The following MAST4 variants were observed in gnomAD, a reference collection of about 807,000 sequenced individuals.
MAST4 encodes microtubule associated serine/threonine kinase family member 4.
In MAST4, 89 loss-of-function variants were observed where a neutral mutation model predicts 162.7. The observed-to-expected ratio is 0.55, with a 90% confidence interval of 0.46 to 0.65. MAST4 has a LOEUF of 0.65. Among genes scored for constraint, MAST4 ranks in the 30% least tolerant of loss-of-function variants. The pLI is 0.00. For missense variants in MAST4, 3,153 were observed against 3,374.0 expected (o/e 0.93, Z 1.62); for synonymous variants, 1,479 against 1,361.1 (o/e 1.09, Z -1.91).
intron 3 of MAST4, among the ~76,000 whole-genome samples, chr5:66,872,360 G>A (rs25841): frequency 0.28 from 42,820 of 151,776 alleles, 6,261 homozygotes; most frequent in East Asian, 0.53. Context: ...AGTAGAGATG[G>A]GGTTTCACCA....
intron 3 of MAST4, among the ~76,000 whole-genome samples, chr5:66,850,960 A>G (rs930667587): frequency 4.0e-5 from 6 of 148,246 alleles, no homozygotes; most frequent in Admixed American, 2.7e-4. Flanking sequence ...AAAAAAATGC[A>G]TACATTTGAG....
At chr5:66,863,710 C>T (rs955702102) in intron 3 of MAST4, among the ~76,000 whole-genome samples, 6 of 152,104 alleles carry the variant, frequency 3.9e-5, no homozygotes, top group Non-Finnish European at 8.8e-5. Flanking sequence ...AGACAGGAGA[C>T]AAGAAGGAGG....
chr5:67,068,852 A>T (rs1278668883), intron 5 of MAST4, among the ~76,000 whole-genome samples: 3 of 152,182 alleles, frequency 2.0e-5, no homozygotes, highest in Non-Finnish European at 4.4e-5. Flanking sequence ...TAGTAAGCTA[A>T]CAGGTCTCAT....
At chr5:66,909,582 G>A (rs868666956) in intron 4 of MAST4, among the ~76,000 whole-genome samples, 1 of 152,206 alleles carries the variant, frequency 6.6e-6, no homozygotes, top group Non-Finnish European at 1.5e-5. Context: ...TGCTCAGGGA[G>A]TATATATGTT....
chr5:66,814,810 T>C (rs1400912733), intron 3 of MAST4, among the ~76,000 whole-genome samples: 2 of 151,680 alleles, frequency 1.3e-5, no homozygotes, highest in African/African-American at 4.8e-5. Context: ...CTAATAGACT[T>C]GTTGAAATTA....
At chr5:66,993,953 TA>T (rs2150290071) in intron 4 of MAST4, among the ~76,000 whole-genome samples, 1 of 97,414 alleles carries the variant, frequency 1.0e-5, no homozygotes, top group Non-Finnish European at 1.9e-5. Context: ...TCTGCATTTC[TA>T]ACAAGCACTC....
chr5:67,131,757 AT>A, intron 15 of MAST4, 55 bp from the exon 16 acceptor site: 1 of 1,581,560 alleles, frequency 6.3e-7, no homozygotes, highest in Non-Finnish European at 8.6e-7. Context: ...GTCTAAACTG[AT>A]TTTCTACATT....
intron 3 of MAST4, among the ~76,000 whole-genome samples, chr5:66,866,270 G>T (rs539017505): frequency 6.6e-6 from 1 of 152,186 alleles, no homozygotes; most frequent in East Asian, 1.9e-4. Flanking sequence ...TGAAAAGTCT[G>T]CGTTTAACTG....
chr5:67,138,686 G>A (rs956351102), intron 19 of MAST4, among the ~76,000 whole-genome samples: 3 of 152,062 alleles, frequency 2.0e-5, no homozygotes, highest in Admixed American at 6.6e-5. Context: ...CACCCACCTC[G>A]GCCTCCCAAA....
rs150721795 is a variant in MAST4, at chr5:66,950,318, G to A, written c.674+50336G>A. On this transcript the variant is annotated intron_variant, in intron 4 of 28. Coordinates refer to ENST00000403625, the MANE Select transcript of MAST4 (RefSeq NM_001164664.2). ...GCCATTTTTAAGCATTCAATTCTGCGCCATTAAGTACATTCACAGAGTTGT... is the reference window on the plus strand; with the variant it reads ...GCCATTTTTAAGCATTCAATTCTGCACCATTAAGTACATTCACAGAGTTGT... Among the ~76,000 whole-genome samples, 596 of 150,524 alleles carry A rather than the reference G, an allele frequency of 4.0e-3. 5 individuals carry two copies. The highest frequency in any genetic ancestry group is 0.014 in the African/African-American group (557 of 40,944).
chr5:66,798,559 C>A (rs1311517006), intron 3 of MAST4, among the ~76,000 whole-genome samples: 1 of 152,130 alleles, frequency 6.6e-6, no homozygotes, highest in Non-Finnish European at 1.5e-5. Context: ...AACTTGAATT[C>A]TTCTCTGGAT....
chr5:67,156,324 C>G (rs534354032), intron 26 of MAST4, among the ~76,000 whole-genome samples: 8 of 152,270 alleles, frequency 5.3e-5, no homozygotes, highest in African/African-American at 1.9e-4. Context: ...AGCTCCGGAG[C>G]CTGCACTTTT....
At chr5:66,697,550 A>AGGGCAAATTTTCTTC (rs1174738895) in intron 1 of MAST4, among the ~76,000 whole-genome samples, 1 of 152,204 alleles carries the variant, frequency 6.6e-6, no homozygotes, top group African/African-American at 2.4e-5. Flanking sequence ...TGTCTGTGCA[A>AGGGCAAATTTTCTTC]GGGCAAATTT....
intron 21 of MAST4, 125 bp downstream of exon 21, chr5:67,142,658 TC>T (rs1304974705): frequency 1.5e-6 from 1 of 657,230 alleles, no homozygotes; most frequent in East Asian, 2.7e-5. Context: ...TGCTTAAACT[TC>T]CTTTTGTTGA....
At chr5:66,710,686 C>A (rs1004303082) in intron 1 of MAST4, among the ~76,000 whole-genome samples, 1 of 152,108 alleles carries the variant, frequency 6.6e-6, no homozygotes, top group Non-Finnish European at 1.5e-5. Flanking sequence ...GAATGTAATT[C>A]TTTCTCTTGT....
At chr5:67,053,865 A>G (rs1365295629) in intron 4 of MAST4, among the ~76,000 whole-genome samples, 1 of 152,240 alleles carries the variant, frequency 6.6e-6, no homozygotes, top group African/African-American at 2.4e-5. Flanking sequence ...TTACCTTAAT[A>G]AAGAATTGAA....
chr5:67,023,320 T>A (rs1419281440), intron 4 of MAST4, among the ~76,000 whole-genome samples: 1 of 152,200 alleles, frequency 6.6e-6, no homozygotes, highest in Non-Finnish European at 1.5e-5. Flanking sequence ...AGCTTTCAGA[T>A]AATATCCCTC....
At chr5:66,748,459 C>CCCTCCCTGT (rs1752923326) in intron 1 of MAST4, among the ~76,000 whole-genome samples, 1 of 140,532 alleles carries the variant, frequency 7.1e-6, no homozygotes, top group African/African-American at 2.7e-5. Flanking sequence ...CTCACTCCCT[C>CCCTCCCTGT]CTTCCTTCCT....
intron 4 of MAST4, among the ~76,000 whole-genome samples, chr5:66,961,436 A>G (rs1391198706): frequency 1.3e-5 from 2 of 152,204 alleles, no homozygotes; most frequent in Non-Finnish European, 2.9e-5. Flanking sequence ...TGCTCTGTAG[A>G]TGCAATCTAG....
Sources: allele counts gnomAD v4.1 joint callset (sites outside exome capture counted in the v4.1 genomes callset), GRCh38; gene constraint gnomAD v4.1.1; transcripts MANE v1.5; gene names NCBI Gene and HGNC (gene_info 2026-07-23, HGNC 2026-07-21).